Variants in WASF3 observed in about 807,000 individuals in gnomAD.
The protein encoded by WASF3 is WASP family member 3.
WASF3 carries 11 observed loss-of-function variants against 46.6 expected under a neutral mutation model. The observed-to-expected ratio is 0.24, with a 90% confidence interval of 0.15 to 0.39. The LOEUF is 0.39. Among genes scored for constraint, WASF3 ranks in the 10% least tolerant of loss-of-function variants. The pLI, the probability that WASF3 is intolerant of heterozygous loss-of-function variation, is 1.00. For missense variants in WASF3, 576 were observed against 669.8 expected, an observed-to-expected ratio of 0.86 and a Z score of 1.55; for synonymous variants, 242 against 259.7, an observed-to-expected ratio of 0.93 and a Z score of 0.65.
rs57762171 is a variant in WASF3, at chr13:26,559,823, T to TCTTTC, written c.-109+2004_-109+2005insCTTTC. 2.5e-3 allele frequency among the ~76,000 whole-genome samples: 311 copies of TCTTTC among 126,674 alleles called. 3 individuals carry two copies. The highest frequency in any genetic ancestry group is 7.6e-3 in the African/African-American group (261 of 34,274). 83.1% of individuals were successfully genotyped at this position (126,674 alleles called of 152,430 possible). On this transcript the variant is annotated intron_variant, in intron 1 of 9. Transcript: ENST00000335327. ...TTCTTTCTTTCTTTTTTTTTTTTTT[T>TCTTTC]TTTTTTTTTTTGAGACGGAGTCTTG...
intron 1 of WASF3, among the ~76,000 whole-genome samples, chr13:26,559,774 C>A (rs1342320461): frequency 8.0e-6 from 1 of 124,788 alleles, no homozygotes; most frequent in Non-Finnish European, 1.8e-5. Context: ...GACCTTGAAT[C>A]TCTTTTTCTT....
chr13:26,539,199 G>T, the WASF3 span, among the ~76,000 whole-genome samples: 2 of 152,150 alleles, frequency 1.3e-5, no homozygotes, highest in Non-Finnish European at 2.9e-5. Context: ...ATCAAATTGA[G>T]CCTGGAGGAC....
In WASF3 at chr13:26,683,069, T is replaced by A. The variant is rs567270770; in HGVS notation, c.1351+95T>A. On this transcript the variant is annotated intron_variant, in intron 9 of 9. Coordinates refer to ENST00000335327, the MANE Select transcript of WASF3 (RefSeq NM_006646.6). ...AGCCTCCTTGTCTTCAAATGACTACTCACTACGTTTTTTAAAATAGAGTTA... is the reference window on the plus strand; with the variant it reads ...AGCCTCCTTGTCTTCAAATGACTACACACTACGTTTTTTAAAATAGAGTTA... The A allele has an allele frequency of 3.6e-5, 53 of 1,490,568 alleles. 1 individual carries two copies. In the African/African-American group the frequency reaches 5.3e-4, roughly 15 times the overall value. 92.3% of individuals were successfully genotyped at this position (1,490,568 alleles called of 1,614,324 possible). A position where few individuals can be genotyped will look rare whatever the true frequency, so the allele number is the denominator to read the frequency against.
Position 26,676,589 on chromosome 13 carries a change from AG to A in WASF3, c.583del (p.Val195LeufsTer13). The A allele has an allele frequency of 6.2e-7, 1 of 1,614,092 alleles. No individual in the cohort carries two copies. Among genetic ancestry groups the A allele is most frequent in the Non-Finnish European group, 8.5e-7 (1 of 1,179,994 alleles). ...RIDGTTREVK[K>X]VRKARNRRQE... ...GATGGCACCACCCGTGAGGTGAAAAAGGTTAGAAAAGCCAGAAACAGGCGCC... is the reference window on the plus strand; with the variant it reads ...GATGGCACCACCCGTGAGGTGAAAAAGTTAGAAAAGCCAGAAACAGGCGCC... On this transcript the variant is annotated frameshift_variant, in exon 7 of 10. Transcript: ENST00000335327. LOFTEE classifies it high-confidence loss of function.
At chr13:26,546,812 T>A in the WASF3 span, among the ~76,000 whole-genome samples, 1 of 152,220 alleles carries the variant, frequency 6.6e-6, no homozygotes, top group African/African-American at 2.4e-5. Context: ...GGCTCCAGCG[T>A]GTGACCTTAA....
intron 3 of WASF3, among the ~76,000 whole-genome samples, chr13:26,646,978 G>A (rs2137422372): frequency 1.3e-5 from 2 of 152,252 alleles, no homozygotes; most frequent in Middle Eastern, 6.8e-3. Context: ...AATTCTGAAG[G>A]CCCTACAACT....
chr13:26,625,869 T>C (rs1087258), intron 2 of WASF3, among the ~76,000 whole-genome samples: 46,786 of 152,044 alleles, frequency 0.31, 7,596 homozygotes, highest in East Asian at 0.58. Flanking sequence ...TATATATCTA[T>C]AGTAAGCTCT....
At chr13:26,653,597 C>A (rs1882381182) in intron 3 of WASF3, among the ~76,000 whole-genome samples, 1 of 152,194 alleles carries the variant, frequency 6.6e-6, no homozygotes, top group African/African-American at 2.4e-5. Context: ...AAACTCTCTT[C>A]ACCTGCACAG....
chr13:26,595,017 C>T (rs374512591), intron 1 of WASF3, among the ~76,000 whole-genome samples: 6 of 152,288 alleles, frequency 3.9e-5, no homozygotes, highest in African/African-American at 9.6e-5. Context: ...ACCTTGATAA[C>T]GTAGTCTTCA....
intron 2 of WASF3, among the ~76,000 whole-genome samples, chr13:26,633,866 G>A (rs1458573640): frequency 5.3e-5 from 8 of 152,142 alleles, no homozygotes; most frequent in African/African-American, 1.9e-4. Context: ...AGTTTCTTGT[G>A]ATTTCTGTTC....
In WASF3 at chr13:26,679,168, C is replaced by T. The variant is rs1472010744; in HGVS notation, c.717-1886C>T. Among the ~76,000 whole-genome samples the T allele has an allele frequency of 9.9e-5, 15 of 152,168 alleles. No homozygotes were observed. The highest frequency in any genetic ancestry group is 6.5e-4 in the Admixed American group (10 of 15,274). On this transcript the variant is annotated intron_variant, in intron 7 of 9. Coordinates refer to ENST00000335327, the MANE Select transcript of WASF3 (RefSeq NM_006646.6). The surrounding 1 kb of genome is among the most constrained non-coding windows in gnomAD (Gnocchi z 4.8). The stretch of plus-strand genomic sequence containing the variant: ...CCATCATGAGGCCTCGGGATCTCCA[C>T]TCACCTCCACCTTGGCCGTGCGTCT...
At chr13:26,545,161 T>C in the WASF3 span, among the ~76,000 whole-genome samples, 271 of 152,320 alleles carry the variant, frequency 1.8e-3, 1 homozygote, top group African/African-American at 6.4e-3. Context: ...AGGACTTTGT[T>C]AGGAGCTCTG....
upstream of WASF3, among the ~76,000 whole-genome samples, chr13:26,554,098 T>TC (rs1879040540): frequency 1.9e-5 from 2 of 105,630 alleles, no homozygotes; most frequent in Non-Finnish European, 3.7e-5. Flanking sequence ...CTTCCTTCCT[T>TC]CTTTCTTTCT....
rs1879233379 is a variant in WASF3 at position 26,559,816 on chromosome 13, T to TTC, written c.-109+1998_-109+1999insCT. On this transcript the variant is annotated intron_variant, in intron 1 of 9. Transcript: ENST00000335327. ...TCTTTCTTTCTTTCTTTCTTTTTTT[T>TTC]TTTTTTTTTTTTTTTTTTGAGACGG... Among the ~76,000 whole-genome samples the TTC allele has an allele frequency of 5.4e-5, 3 of 55,080 alleles. 1 individual carries two copies. The highest frequency in any genetic ancestry group is 9.8e-4 in the East Asian group (2 of 2,036). 36.1% of individuals were successfully genotyped at this position (55,080 alleles called of 152,430 possible). A position where few individuals can be genotyped will look rare whatever the true frequency, so the allele number is the denominator to read the frequency against.
At chr13:26,542,403 A>G in the WASF3 span, among the ~76,000 whole-genome samples, 1 of 152,248 alleles carries the variant, frequency 6.6e-6, no homozygotes, top group Non-Finnish European at 1.5e-5. Context: ...GAGCTGTGCA[A>G]AGCTGTGCTG....
At chr13:26,604,693 T>G (rs1416694404) in intron 1 of WASF3, among the ~76,000 whole-genome samples, 1 of 152,208 alleles carries the variant, frequency 6.6e-6, no homozygotes, top group Non-Finnish European at 1.5e-5. Context: ...GAATCAGGGA[T>G]GAATTCTAGT....
intron 3 of WASF3, among the ~76,000 whole-genome samples, chr13:26,664,162 C>G (rs1308630566): frequency 6.6e-6 from 1 of 152,160 alleles, no homozygotes; most frequent in African/African-American, 2.4e-5. Context: ...ATTCTTAACT[C>G]TAATGAAGTT....
chr13:26,613,163 A>G (rs1881028545), intron 2 of WASF3, 105 bp downstream of exon 2: 1 of 150,188 alleles, frequency 6.7e-6, no homozygotes, highest in East Asian at 1.9e-4. Context: ...ATATTTTTGA[A>G]TATTAAATAT....
intron 1 of WASF3, among the ~76,000 whole-genome samples, chr13:26,610,511 T>C (rs535006673): frequency 6.6e-6 from 1 of 152,304 alleles, no homozygotes; most frequent in African/African-American, 2.4e-5. Flanking sequence ...TATGTGTTTA[T>C]TGAGCAGGTA....
Sources: gnomAD v4.1 joint callset for allele counts (sites outside exome capture counted in the v4.1 genomes callset) on GRCh38, gnomAD v4.1.1 for gene constraint, Gnocchi (gnomAD v3.1) non-coding constraint, MANE v1.5 for transcripts, NCBI Gene and HGNC (gene_info 2026-07-23, HGNC 2026-07-21) for gene names.